Variants in LMOD2 observed in about 807,000 individuals in gnomAD.
LMOD2 encodes the protein leiomodin 2, also known as leiomodin-2.
Under a neutral mutation model 41.7 loss-of-function variants are expected in LMOD2, and 27 were observed. The observed-to-expected ratio is 0.65, with a 90% CI of 0.48 to 0.89. The LOEUF is 0.89. Ranked by LOEUF, LMOD2 falls within the 40% of genes least tolerant of loss-of-function variation. LMOD2 has a pLI of 0.00. For missense variants in LMOD2, 624 were observed against 667.9 expected, an observed-to-expected ratio of 0.93 and a Z score of 0.72; for synonymous variants, 251 against 244.6, an observed-to-expected ratio of 1.03 and a Z score of -0.25.
intron 1 of LMOD2, among the ~76,000 whole-genome samples, chr7:123,657,991 T>TAAAAAAA (rs10693592): frequency 2.6e-4 from 24 of 90,568 alleles, no homozygotes; most frequent in Admixed American, 4.1e-4. Context: ...CTTGTCTCAT[T>TAAAAAAA]AAAAAAAAAA....
At chr7:123,657,811 C>CAAAAAAAAAAAA (rs1009900124) in intron 1 of LMOD2, among the ~76,000 whole-genome samples, 2 of 36,004 alleles carry the variant, frequency 5.6e-5, no homozygotes, top group African/African-American at 2.5e-4. Context: ...CTCATCTCTA[C>CAAAAAAAAAAAA]AAAAAAAAAA....
chr7:123,661,843 G>T lies in LMOD2; in HGVS notation c.274-17G>T, dbSNP rs376977515. On this transcript the variant is annotated splice_polypyrimidine_tract_variant and intron_variant, in intron 1 of 2. Transcript: ENST00000458573. Reference sequence around the variant, plus strand: ...TATCATTTTTAAGAAGCTTAATGATGATATCATACTCTTTAGGTTGCAGAA... The same window carrying T: ...TATCATTTTTAAGAAGCTTAATGATTATATCATACTCTTTAGGTTGCAGAA... 2 of 1,441,156 alleles carry T rather than the reference G, an allele frequency of 1.4e-6. No individual in the cohort carries two copies. The highest frequency in any genetic ancestry group is 2.9e-5 in the South Asian group (2 of 69,940). 89.3% of individuals were successfully genotyped at this position (1,441,156 alleles called of 1,614,324 possible).
chr7:123,657,601 T>C (rs1802808101), intron 1 of LMOD2, among the ~76,000 whole-genome samples: 1 of 150,978 alleles, frequency 6.6e-6, no homozygotes, highest in Non-Finnish European at 1.5e-5. Flanking sequence ...TAAGAGGGAT[T>C]TTTTTTTCTT....
chr7:123,663,602 T>G (rs1255492800), intron 2 of LMOD2, 117 bp from the exon 3 acceptor site: 4 of 813,550 alleles, frequency 4.9e-6, no homozygotes, highest in South Asian at 3.3e-5. Flanking sequence ...AAAATTACCA[T>G]GCAGCAATAA....
chr7:123,660,440 C>T (rs1802859365), intron 1 of LMOD2, among the ~76,000 whole-genome samples: 1 of 152,000 alleles, frequency 6.6e-6, no homozygotes, highest in Non-Finnish European at 1.5e-5. Flanking sequence ...TGACCCCTTC[C>T]CCAGGCCATC....
rs1319153479 is a variant in LMOD2, at chr7:123,656,134, G to A, written c.171G>A (p.Glu57=). Residue 57 remains glutamate, a synonymous_variant, in exon 1 of 3, where the codon GAG becomes GAA. Coordinates refer to ENST00000458573, the MANE Select transcript of LMOD2 (RefSeq NM_207163.3). ...PVGLRQKSLT[E]KTPTGTFSRE... ...GGCTAAGGCAAAAGAGCCTGACAGAGAAAACCCCCACAGGGACATTCAGCA... is the reference window on the plus strand; with the variant it reads ...GGCTAAGGCAAAAGAGCCTGACAGAAAAAACCCCCACAGGGACATTCAGCA... 1 of 1,610,144 alleles carries A rather than the reference G, an allele frequency of 6.2e-7. No homozygotes were observed. The highest frequency in any genetic ancestry group is 1.1e-5 in the South Asian group (1 of 90,048).
chr7:123,663,542 G>A, intron 2 of LMOD2, 177 bp from the exon 3 acceptor site: 1 of 637,054 alleles, frequency 1.6e-6, no homozygotes, highest in Non-Finnish European at 2.7e-6. Context: ...CCACAGAGTT[G>A]TGACTGATTC....
chr7:123,662,102 C>T lies in LMOD2; in HGVS notation c.516C>T (p.Asn172=). ...AGATATTTAAAAGTCAAATAGAGAA[C>T]ATAAATTTGACCAATGGCAGCAATG... The part of the protein sequence containing the change: ...KPKIFKSQIE[N]INLTNGSNGR... The change falls in exon 2 of 3, where the codon AAC becomes AAT. Residue 172 remains asparagine, a synonymous_variant. Transcript: ENST00000458573. This position sits in a 1 kb window ranked among gnomAD's most constrained non-coding sequence, Gnocchi z 4.0. 1.9e-6 allele frequency: 3 copies of T among 1,611,416 alleles called. No homozygotes were observed. The highest frequency in any genetic ancestry group is 2.2e-5 in the South Asian group (2 of 90,442).
chr7:123,661,963 A>T lies in LMOD2; in HGVS notation c.377A>T (p.Gln126Leu), dbSNP rs1374015098. The change falls in exon 2 of 3, where the codon CAG (glutamine) becomes CTG (leucine). Residue 126 changes from glutamine to leucine, a missense_variant. By Grantham distance (113) the Gln-to-Leu change is moderately radical. Coordinates refer to ENST00000458573, the MANE Select transcript of LMOD2 (RefSeq NM_207163.3). ...VYTEEEEEES[Q>L]EEEEEEDSDE... ...ACAGAGGAGGAGGAGGAGGAGTCCC[A>T]GGAGGAAGAGGAGGAAGAAGACAGT... 1 of 1,557,286 alleles carries T rather than the reference A, an allele frequency of 6.4e-7. No individual in the cohort carries two copies. The highest frequency in any genetic ancestry group is 8.7e-7 in the Non-Finnish European group (1 of 1,149,674).
chr7:123,660,471 A>C (rs1802859819), intron 1 of LMOD2, among the ~76,000 whole-genome samples: 1 of 152,070 alleles, frequency 6.6e-6, no homozygotes, highest in African/African-American at 2.4e-5. Flanking sequence ...TGCCACTCCA[A>C]ACAGTGGATA....
rs1326555780 is a variant in LMOD2 at position 123,662,903 on chromosome 7, A to G, written c.1317A>G (p.Pro439=). 2.4e-6 allele frequency: 3 copies of G among 1,270,328 alleles called. No homozygotes were observed. The highest frequency in any genetic ancestry group is 9.7e-5 in the East Asian group (2 of 20,644). The allele number at this position is 1,270,328 out of a possible 1,614,324, so 78.7% of individuals were successfully genotyped here. A position where few individuals can be genotyped will look rare whatever the true frequency, so the allele number is the denominator to read the frequency against. ...PPPPPSSQRL[P]PPPPPPPPPL... is the part of the protein sequence containing the mutation. Reference sequence around the variant, plus strand: ...CCCCTCCTTCTTCCCAAAGGCTGCCACCACCTCCTCCTCCTCCCCCTCCTC... The same window carrying G: ...CCCCTCCTTCTTCCCAAAGGCTGCCGCCACCTCCTCCTCCTCCCCCTCCTC... The change falls in exon 2 of 3, where the codon CCA becomes CCG. Residue 439 remains proline (P), a synonymous_variant. Coordinates refer to ENST00000458573, the MANE Select transcript of LMOD2 (RefSeq NM_207163.3). This position sits in a 1 kb window ranked among gnomAD's most constrained non-coding sequence, Gnocchi z 4.0.
chr7:123,663,749 C>T lies in LMOD2; in HGVS notation c.*4C>T. The T allele has an allele frequency of 6.3e-7, 1 of 1,575,464 alleles. No homozygotes were observed. Among genetic ancestry groups the T allele is most frequent in the East Asian group, 2.3e-5 (1 of 43,650 alleles). On this transcript the variant is annotated 3_prime_UTR_variant, in exon 3 of 3. Coordinates refer to ENST00000458573, the MANE Select transcript of LMOD2 (RefSeq NM_207163.3). Reference sequence around the variant, plus strand: ...AGTTCCAGAAGCCCTGCGATAAAAACATGATCTTTAGAAGAGGATGCAGAA... The same window carrying T: ...AGTTCCAGAAGCCCTGCGATAAAAATATGATCTTTAGAAGAGGATGCAGAA...
chr7:123,660,689 A>G (rs1450606575), intron 1 of LMOD2, among the ~76,000 whole-genome samples: 1 of 151,990 alleles, frequency 6.6e-6, no homozygotes, highest in Non-Finnish European at 1.5e-5. Flanking sequence ...GACTAAAAAG[A>G]CAGCAGGAGA....
Position 123,663,115 on chromosome 7 carries a change from A to G in LMOD2, c.1529A>G (p.Asp510Gly). The change falls in exon 2 of 3, where the codon GAC becomes GGC. Residue 510 changes from aspartate (D) to glycine (G), a missense_variant. Asp to Gly is a moderately conservative substitution (Grantham distance 94). Coordinates refer to ENST00000458573, the MANE Select transcript of LMOD2 (RefSeq NM_207163.3). ...TCAGTGCAAGAGAAGAAAATGGAAG[A>G]CAGTTCCCGACCTTCTACCCCACAG... ...LRSVQEKKME[D>G]SSRPSTPQRS... 1 of 1,564,356 alleles carries G rather than the reference A, an allele frequency of 6.4e-7. No homozygotes were observed. Among genetic ancestry groups the G allele is most frequent in the Non-Finnish European group, 8.7e-7 (1 of 1,154,188 alleles).
rs1165559793 is a variant in LMOD2 at position 123,662,984 on chromosome 7, G to T, written c.1398G>T (p.Gln466His). ...TRNIAEVIKQQESAQRALQNG... is the reference protein window; with the variant it reads ...TRNIAEVIKQHESAQRALQNG... The stretch of plus-strand genomic sequence containing the variant: ...ACATTGCAGAAGTCATCAAACAACA[G>T]GAGAGTGCCCAACGGGCATTACAAA... The change falls in exon 2 of 3, where the codon CAG (glutamine) becomes CAT (histidine). Residue 466 changes from glutamine to histidine, a missense_variant. Coordinates refer to ENST00000458573, the MANE Select transcript of LMOD2 (RefSeq NM_207163.3). This position sits in a 1 kb window ranked among gnomAD's most constrained non-coding sequence, Gnocchi z 4.0. 6.4e-6 allele frequency: 10 copies of T among 1,552,560 alleles called. No homozygotes were observed. The South Asian group carries it at 1.1e-4, about 17-fold the overall frequency.
intron 1 of LMOD2, among the ~76,000 whole-genome samples, chr7:123,657,868 T>C (rs1584841382): frequency 7.2e-6 from 1 of 138,356 alleles, no homozygotes; most frequent in Admixed American, 7.2e-5. Context: ...TAGCAGGTGG[T>C]AGTCCCAGCT....
intron 1 of LMOD2, among the ~76,000 whole-genome samples, chr7:123,659,095 T>G (rs1422620129): frequency 2.0e-5 from 3 of 152,184 alleles, no homozygotes; most frequent in African/African-American, 4.8e-5. Context: ...AATTAACACA[T>G]ACTTTGAATG....
At chr7:123,657,611 T>C (rs549496691) in intron 1 of LMOD2, among the ~76,000 whole-genome samples, 58 of 152,210 alleles carry the variant, frequency 3.8e-4, no homozygotes, top group African/African-American at 1.3e-3. Context: ...TTTTTTTTCT[T>C]TGATGTGATA....
intron 1 of LMOD2, among the ~76,000 whole-genome samples, chr7:123,659,060 A>G (rs760348068): frequency 2.0e-4 from 31 of 152,220 alleles, no homozygotes; most frequent in Non-Finnish European, 4.4e-4. Context: ...TGTGGACAGA[A>G]GCCTTACCAA....
Sources: gnomAD v4.1 joint callset for allele counts (sites outside exome capture counted in the v4.1 genomes callset) on GRCh38, gnomAD v4.1.1 for gene constraint, Gnocchi (gnomAD v3.1) non-coding constraint, MANE v1.5 for transcripts, NCBI Gene and HGNC (gene_info 2026-07-23, HGNC 2026-07-21) for gene names.